Variants in LRFN5 observed in about 807,000 individuals in gnomAD.
The protein encoded by LRFN5 is leucine-rich repeat and fibronectin type-III domain-containing protein 5.
LRFN5 carries 24 observed loss-of-function variants against 45.6 expected under a neutral mutation model. The ratio of observed to expected loss-of-function variants is 0.53; its 90% confidence interval spans 0.38 to 0.74. The LOEUF (loss-of-function observed/expected upper bound fraction) is 0.74. Ranked by LOEUF, LRFN5 falls within the 30% of genes least tolerant of loss-of-function variation. The pLI is 0.00. For synonymous variants in LRFN5, 340 were observed against 313.8 expected (o/e 1.08, Z -0.88); for missense variants, 776 against 861.5 (o/e 0.90, Z 1.24).
intron 2 of LRFN5, among the ~76,000 whole-genome samples, chr14:41,850,677 T>A (rs1889235594): frequency 6.6e-6 from 1 of 151,836 alleles, no homozygotes; most frequent in African/African-American, 2.4e-5. Context: ...TGAATTAATT[T>A]CCATGAGCAA....
At chr14:41,750,450 A>G (rs1885084668) in intron 1 of LRFN5, among the ~76,000 whole-genome samples, 1 of 151,950 alleles carries the variant, frequency 6.6e-6, no homozygotes, top group African/African-American at 2.4e-5. Context: ...CTTGAAAATG[A>G]GAGCAAATGA....
chr14:41,751,968 T>C (rs144933509), intron 1 of LRFN5, among the ~76,000 whole-genome samples: 87 of 152,258 alleles, frequency 5.7e-4, no homozygotes, highest in African/African-American at 1.6e-3. Context: ...CCTGTGCCCA[T>C]GTGTTCTCAT....
chr14:41,726,446 T>C (rs1448945587), intron 1 of LRFN5, among the ~76,000 whole-genome samples: 1 of 152,152 alleles, frequency 6.6e-6, no homozygotes, highest in Non-Finnish European at 1.5e-5. Context: ...CACCCATGCA[T>C]CCTTCCAGGA....
chr14:41,860,745 A>T (rs1338892567), intron 2 of LRFN5, among the ~76,000 whole-genome samples: 2 of 152,216 alleles, frequency 1.3e-5, no homozygotes, highest in African/African-American at 2.4e-5. Flanking sequence ...AAGACAGAGA[A>T]TTGTAACAAG....
At chr14:41,885,155 C>CAA (rs56318694) in intron 2 of LRFN5, among the ~76,000 whole-genome samples, 3,097 of 129,358 alleles carry the variant, frequency 0.024, 53 homozygotes, top group South Asian at 0.046. Context: ...CCTGTCTCTA[C>CAA]AAAAAAAAAA....
At position 41,891,648 on chromosome 14, in the gene LRFN5, G is replaced by A; in HGVS notation, c.1784G>A (p.Gly595Glu). ...CAGTCCGTGTCCAAACAAGCTGTGGGACACGAAGAGAATGCCCAGTGTTGT... is the reference window on the plus strand; with the variant it reads ...CAGTCCGTGTCCAAACAAGCTGTGGAACACGAAGAGAATGCCCAGTGTTGT... Reference protein sequence around the residue: ...LPQSVSKQAVGHEENAQCCKA... With the variant: ...LPQSVSKQAVEHEENAQCCKA... Residue 595 changes from glycine (G) to glutamate (E), a missense_variant, in exon 4 of 6, where the codon GGA (glycine) becomes GAA (glutamate). Gly to Glu is a moderately conservative substitution (Grantham distance 98). Transcript: ENST00000298119. 1.2e-6 allele frequency: 2 copies of A among 1,614,174 alleles called. No individual in the cohort carries two copies. Among genetic ancestry groups the A allele is most frequent in the Non-Finnish European group, 8.5e-7 (1 of 1,180,024 alleles).
intron 1 of LRFN5, among the ~76,000 whole-genome samples, chr14:41,673,532 A>G (rs1356361136): frequency 2.4e-4 from 25 of 103,228 alleles, no homozygotes; most frequent in Non-Finnish European, 2.5e-4. Context: ...GGGCAGAGGC[A>G]CCCCTCACCT....
At chr14:41,728,488 T>C (rs1236816072) in intron 1 of LRFN5, among the ~76,000 whole-genome samples, 1 of 152,140 alleles carries the variant, frequency 6.6e-6, no homozygotes, top group Non-Finnish European at 1.5e-5. Flanking sequence ...GTATGAAAAA[T>C]AAAGCAAATT....
At chr14:41,776,147 A>G (rs1404765213) in intron 2 of LRFN5, among the ~76,000 whole-genome samples, 1 of 152,130 alleles carries the variant, frequency 6.6e-6, no homozygotes, top group African/African-American at 2.4e-5. Flanking sequence ...GTTAAAAGAG[A>G]TTGTTTAAAT....
At chr14:41,832,669 A>G (rs1241800249) in intron 2 of LRFN5, among the ~76,000 whole-genome samples, 1 of 152,094 alleles carries the variant, frequency 6.6e-6, no homozygotes, top group Non-Finnish European at 1.5e-5. Context: ...TTCACCATAT[A>G]TTGGTCCCTT....
intron 1 of LRFN5, among the ~76,000 whole-genome samples, chr14:41,645,230 GTTGA>G (rs1443744714): frequency 7.9e-5 from 12 of 152,142 alleles, no homozygotes; most frequent in African/African-American, 2.7e-4. Flanking sequence ...AATGTTACCT[GTTGA>G]TTGATTGATC....
intron 2 of LRFN5, among the ~76,000 whole-genome samples, chr14:41,828,977 A>T (rs1888387837): frequency 6.6e-6 from 1 of 151,842 alleles, no homozygotes; most frequent in Non-Finnish European, 1.5e-5. Context: ...TCTTATAATA[A>T]TCTTCCCTCT....
chr14:41,738,846 G>A (rs895525634), intron 1 of LRFN5, among the ~76,000 whole-genome samples: 3 of 152,078 alleles, frequency 2.0e-5, no homozygotes, highest in African/African-American at 7.2e-5. Flanking sequence ...ATAAATCTGT[G>A]TTTCTAACTT....
At chr14:41,829,516 G>A (rs79415273) in intron 2 of LRFN5, among the ~76,000 whole-genome samples, 12,922 of 151,792 alleles carry the variant, frequency 0.085, 1,152 homozygotes, top group East Asian at 0.48. Flanking sequence ...TATCTTGAAT[G>A]AGGTAAATTA....
intron 2 of LRFN5, among the ~76,000 whole-genome samples, chr14:41,806,821 C>T (rs1416782400): frequency 1.3e-5 from 2 of 152,164 alleles, no homozygotes; most frequent in Admixed American, 6.6e-5. Context: ...CTGATGAAGA[C>T]GTCTCATCAG....
chr14:41,739,174 T>C (rs2138815207), intron 1 of LRFN5, among the ~76,000 whole-genome samples: 1 of 152,212 alleles, frequency 6.6e-6, no homozygotes, highest in Non-Finnish European at 1.5e-5. Flanking sequence ...TTGCTTGAAC[T>C]CAGGAGTCTG....
intron 1 of LRFN5, chr14:41,699,759 C>T (rs1448662149): frequency 6.6e-6 from 1 of 152,048 alleles, no homozygotes; most frequent in Non-Finnish European, 1.5e-5. Context: ...ACTGACTCCA[C>T]TTTACATGGA....
Position 41,877,130 on chromosome 14 carries a change from T to C in LRFN5, c.-20-9476T>C, listed in dbSNP as rs562553600. ...TAGATGTCTCTCTCTCTCTTAAAAC[T>C]GCCTTTTGTTTACTTTCTATACGAC... On this transcript the variant is annotated intron_variant, in intron 2 of 5. Coordinates refer to ENST00000298119, the MANE Select transcript of LRFN5 (RefSeq NM_152447.5). Among the ~76,000 whole-genome samples, 3 of 152,298 alleles carry C rather than the reference T, an allele frequency of 2.0e-5. No homozygotes were observed. The South Asian group carries it at 6.2e-4, about 32-fold the overall frequency.
At chr14:41,760,173 G>A (rs1012268335) in intron 1 of LRFN5, among the ~76,000 whole-genome samples, 1 of 152,128 alleles carries the variant, frequency 6.6e-6, no homozygotes, top group African/African-American at 2.4e-5. Context: ...ATACGGAAAA[G>A]TTCAGTTAAC....
Sources: gnomAD v4.1 joint callset for allele counts (sites outside exome capture counted in the v4.1 genomes callset) on GRCh38, gnomAD v4.1.1 for gene constraint, MANE v1.5 for transcripts, NCBI Gene and HGNC (gene_info 2026-07-23, HGNC 2026-07-21) for gene names.